Variants in INPP4B observed in about 807,000 individuals in gnomAD.
The protein encoded by INPP4B is inositol polyphosphate 4-phosphatase type II.
Under a neutral mutation model 122.5 loss-of-function variants are expected in INPP4B, and 55 were observed. The observed-to-expected ratio is 0.45, with a 90% CI of 0.36 to 0.56. The LOEUF is 0.56. Ranked by LOEUF, INPP4B falls within the 20% of genes least tolerant of loss-of-function variation. The probability of loss-of-function intolerance (pLI) is 0.00; values close to 1 mark genes in which losing one functional copy is unlikely to be tolerated. For synonymous variants in INPP4B, 403 were observed against 388.7 expected (o/e 1.04, Z -0.43); for missense variants, 1,000 against 1,097.7 (o/e 0.91, Z 1.26).
chr4:142,709,532 T>G (rs893689794), intron 2 of INPP4B, among the ~76,000 whole-genome samples: 4 of 152,074 alleles, frequency 2.6e-5, no homozygotes, highest in Non-Finnish European at 5.9e-5. Context: ...TAATAGTGAG[T>G]TCTCATGAGA....
chr4:142,358,193 A>C (rs921104718), intron 7 of INPP4B, among the ~76,000 whole-genome samples: 3 of 152,054 alleles, frequency 2.0e-5, no homozygotes, highest in Admixed American at 6.6e-5. Context: ...TATTGCAAGG[A>C]AATTCTGGGA....
chr4:142,433,471 G>A (rs1809771406), intron 3 of INPP4B, among the ~76,000 whole-genome samples: 1 of 152,082 alleles, frequency 6.6e-6, no homozygotes, highest in South Asian at 2.1e-4. Context: ...GACAAAAGAT[G>A]ATTGGTAGTT....
chr4:142,615,535 T>C (rs2150354007), intron 2 of INPP4B, among the ~76,000 whole-genome samples: 1 of 152,286 alleles, frequency 6.6e-6, no homozygotes, highest in East Asian at 1.9e-4. Flanking sequence ...GAGTTAGCCC[T>C]TGTCTGGCAT....
intron 16 of INPP4B, among the ~76,000 whole-genome samples, chr4:142,166,934 G>A (rs568849094): frequency 5.3e-5 from 8 of 151,908 alleles, no homozygotes; most frequent in South Asian, 2.1e-4. Context: ...CTTTTATACC[G>A]TTGGAGGGAA....
chr4:142,258,644 C>A (rs1186115380), intron 11 of INPP4B, among the ~76,000 whole-genome samples: 1 of 152,100 alleles, frequency 6.6e-6, no homozygotes, highest in Non-Finnish European at 1.5e-5. Context: ...CAAATCAAAA[C>A]CACAATGAGA....
chr4:142,547,402 C>T (rs1203338037), intron 2 of INPP4B, among the ~76,000 whole-genome samples: 1 of 152,010 alleles, frequency 6.6e-6, no homozygotes, highest in Non-Finnish European at 1.5e-5. Context: ...GCTTCTGACC[C>T]CTCAAGTCTT....
intron 7 of INPP4B, among the ~76,000 whole-genome samples, chr4:142,388,404 G>A (rs1437781553): frequency 6.6e-6 from 1 of 150,740 alleles, no homozygotes; most frequent in African/African-American, 2.4e-5. Flanking sequence ...TTCCTTCTCA[G>A]TTGACTAAAT....
chr4:142,445,143 A>T (rs376067422), intron 3 of INPP4B, among the ~76,000 whole-genome samples: 1 of 152,056 alleles, frequency 6.6e-6, no homozygotes, highest in African/African-American at 2.4e-5. Context: ...TAACAAACCT[A>T]CACGTTCTGC....
At chr4:142,194,079 T>C (rs1407465224) in intron 14 of INPP4B, among the ~76,000 whole-genome samples, 1 of 152,166 alleles carries the variant, frequency 6.6e-6, no homozygotes. Context: ...GAGGAAAACA[T>C]AAATTATTTT....
chr4:142,444,836 A>C (rs2149466550), intron 3 of INPP4B, among the ~76,000 whole-genome samples: 1 of 152,086 alleles, frequency 6.6e-6, no homozygotes, highest in South Asian at 2.1e-4. Flanking sequence ...CCACAAAAAG[A>C]AAAAAAAGAA....
intron 2 of INPP4B, among the ~76,000 whole-genome samples, chr4:142,702,527 C>A (rs1469767298): frequency 6.6e-6 from 1 of 151,980 alleles, no homozygotes; most frequent in African/African-American, 2.4e-5. Flanking sequence ...GAGTTCGAGA[C>A]CAGCTTGACC....
intron 2 of INPP4B, among the ~76,000 whole-genome samples, chr4:142,470,921 A>G (rs1299270665): frequency 3.3e-5 from 5 of 152,230 alleles, no homozygotes; most frequent in African/African-American, 1.2e-4. Flanking sequence ...GAATCTTTGA[A>G]TAAATTGCAT....
At chr4:142,623,940 T>A (rs1448206588) in intron 2 of INPP4B, among the ~76,000 whole-genome samples, 2 of 152,130 alleles carry the variant, frequency 1.3e-5, no homozygotes, top group Non-Finnish European at 2.9e-5. Flanking sequence ...GGTGTATATG[T>A]GCCACATTTT....
chr4:142,137,048 T>A (rs1029887877), intron 18 of INPP4B, among the ~76,000 whole-genome samples: 1 of 152,128 alleles, frequency 6.6e-6, no homozygotes, highest in Admixed American at 6.5e-5. Context: ...AAAGTTCATA[T>A]GGAACCAAAA....
chr4:142,716,041 G>A (rs973530733), intron 2 of INPP4B, among the ~76,000 whole-genome samples: 10 of 152,156 alleles, frequency 6.6e-5, no homozygotes, highest in African/African-American at 2.4e-4. Context: ...AGAGAGGCAA[G>A]CAGCTTCTAT....
intron 2 of INPP4B, among the ~76,000 whole-genome samples, chr4:142,597,821 C>A (rs2150280891): frequency 6.6e-6 from 1 of 152,274 alleles, no homozygotes; most frequent in African/African-American, 2.4e-5. Flanking sequence ...AAGCTGGGAG[C>A]TAATTCCCTT....
intron 12 of INPP4B, among the ~76,000 whole-genome samples, chr4:142,220,750 T>C (rs938425829): frequency 4.6e-5 from 7 of 152,120 alleles, no homozygotes; most frequent in Non-Finnish European, 7.4e-5. Context: ...AAGTCCAAGG[T>C]CAAGGTGTTA....
At chr4:142,037,936 A>G (rs1744988010) in intron 25 of INPP4B, among the ~76,000 whole-genome samples, 1 of 152,190 alleles carries the variant, frequency 6.6e-6, no homozygotes, top group Non-Finnish European at 1.5e-5. Context: ...TAGATGAGGA[A>G]ATAAATTTAA....
intron 17 of INPP4B, among the ~76,000 whole-genome samples, chr4:142,153,321 T>C (rs1244060260): frequency 6.6e-6 from 1 of 152,212 alleles, no homozygotes; most frequent in Non-Finnish European, 1.5e-5. Context: ...ACAGTCTACC[T>C]ATATTTACCA....
Sources: gnomAD v4.1 joint callset for allele counts (sites outside exome capture counted in the v4.1 genomes callset) on GRCh38, gnomAD v4.1.1 for gene constraint, MANE v1.5 for transcripts, NCBI Gene and HGNC (gene_info 2026-07-23, HGNC 2026-07-21) for gene names.